RNF144B: variants seen among roughly 807,000 people sequenced by gnomAD.
The protein encoded by RNF144B is E3 ubiquitin-protein ligase RNF144B.
Under a neutral mutation model 40.2 loss-of-function variants are expected in RNF144B, and 25 were observed. That is an observed-to-expected ratio of 0.62 (90% CI 0.45 to 0.87). The LOEUF (loss-of-function observed/expected upper bound fraction) is 0.87. Ranked by LOEUF, RNF144B falls within the 40% of genes least tolerant of loss-of-function variation. RNF144B has a pLI of 0.00. For missense variants in RNF144B, 365 were observed against 373.7 expected, an observed-to-expected ratio of 0.98 and a Z score of 0.19; for synonymous variants, 145 against 136.3, an observed-to-expected ratio of 1.06 and a Z score of -0.44.
rs1758978571 is a variant in RNF144B, at chr6:18,442,105, A to G, written c.331+2361A>G. Among the ~76,000 whole-genome samples the G allele has an allele frequency of 6.6e-6, 1 of 151,976 alleles. No homozygotes were observed. Among genetic ancestry groups the G allele is most frequent in the Admixed American group, 6.5e-5 (1 of 15,268 alleles). ...TCCATCGTTATGTGGGGCAAGGTAG[A>G]TGTGGAAAATCATTGGCTAAGATTT... On this transcript the variant is annotated intron_variant, in intron 4 of 7. Coordinates refer to ENST00000259939, the MANE Select transcript of RNF144B (RefSeq NM_182757.4). This position sits in a 1 kb window ranked among gnomAD's most constrained non-coding sequence, Gnocchi z 4.3.
chr6:18,467,665 G>T lies in RNF144B; in HGVS notation c.*2598G>T, dbSNP rs569234686. Reference sequence around the variant, plus strand: ...TATTTTTATTTTTATTTTTTGGACAGAGTCTCCCTTTGTCACCCAGGCCGG... The same window carrying T: ...TATTTTTATTTTTATTTTTTGGACATAGTCTCCCTTTGTCACCCAGGCCGG... On this transcript the variant is annotated 3_prime_UTR_variant, in exon 8 of 8. Transcript: ENST00000259939. The T allele has an allele frequency of 2.0e-5, 3 of 149,440 alleles. No homozygotes were observed. Among genetic ancestry groups the T allele is most frequent in the Non-Finnish European group, 3.0e-5 (2 of 67,504 alleles). 9.3% of individuals were successfully genotyped at this position (149,440 alleles called of 1,614,324 possible).
intron 1 of RNF144B, among the ~76,000 whole-genome samples, chr6:18,394,696 A>G (rs1339751397): frequency 1.3e-5 from 2 of 152,188 alleles, no homozygotes; most frequent in Non-Finnish European, 2.9e-5. Context: ...CATCAGCAGA[A>G]TATGAAAATT....
Position 18,447,315 on chromosome 6 carries a change from G to C in RNF144B, c.331+7571G>C, listed in dbSNP as rs1406757141. Reference sequence around the variant, plus strand: ...AAGCCCCTGAGGCAAGAACAAGCCTGGTTTCTGTTTGAGAAACAGCAAGGA... The same window carrying C: ...AAGCCCCTGAGGCAAGAACAAGCCTCGTTTCTGTTTGAGAAACAGCAAGGA... On this transcript the variant is annotated intron_variant, in intron 4 of 7. Coordinates refer to ENST00000259939, the MANE Select transcript of RNF144B (RefSeq NM_182757.4). This position sits in a 1 kb window ranked among gnomAD's most constrained non-coding sequence, Gnocchi z 5.6. Among the ~76,000 whole-genome samples, 1 of 152,126 alleles carries C rather than the reference G, an allele frequency of 6.6e-6. No individual in the cohort carries two copies. Among genetic ancestry groups the C allele is most frequent in the African/African-American group, 2.4e-5 (1 of 41,430 alleles).
intron 3 of RNF144B, among the ~76,000 whole-genome samples, chr6:18,436,837 G>A (rs1192729821): frequency 6.6e-6 from 1 of 151,866 alleles, no homozygotes; most frequent in Non-Finnish European, 1.5e-5. Flanking sequence ...GAGGTCTTGA[G>A]CAATAGTGAC....
At chr6:18,445,216 TGGA>T (rs1759054211) in intron 4 of RNF144B, among the ~76,000 whole-genome samples, 1 of 152,170 alleles carries the variant, frequency 6.6e-6, no homozygotes, top group South Asian at 2.1e-4. Context: ...GGCACAATGG[TGGA>T]GAATGGCAGA....
At position 18,422,168 on chromosome 6, in the gene RNF144B, C is replaced by T. The variant is rs981834099; in HGVS notation, c.166-5413C>T. Among the ~76,000 whole-genome samples, 4 of 152,154 alleles carry T rather than the reference C, an allele frequency of 2.6e-5. No individual in the cohort carries two copies. The highest frequency in any genetic ancestry group is 6.6e-5 in the Admixed American group (1 of 15,262). On this transcript the variant is annotated intron_variant, in intron 2 of 7. Coordinates refer to ENST00000259939, the MANE Select transcript of RNF144B (RefSeq NM_182757.4). This position sits in a 1 kb window ranked among gnomAD's most constrained non-coding sequence, Gnocchi z 4.7. ...GTCTGAATATTTTCAAACCAGGATG[C>T]TTTTGGTGTGTTGGATAGGCTTTTG...
At position 18,387,580 on chromosome 6, in the gene RNF144B, A is replaced by G; in HGVS notation, c.-87A>G. ...GCAGCCCGGACTGGCGGTGAGCGCG[A>G]GGGAGGCTACTGAGAAGCCCGGCGA... On this transcript the variant is annotated 5_prime_UTR_variant, in exon 1 of 8. Coordinates refer to ENST00000259939, the MANE Select transcript of RNF144B (RefSeq NM_182757.4). 5.3e-6 allele frequency: 7 copies of G among 1,325,530 alleles called. No individual in the cohort carries two copies. The highest frequency in any genetic ancestry group is 5.9e-6 in the Non-Finnish European group (6 of 1,008,426). 82.1% of individuals were successfully genotyped at this position (1,325,530 alleles called of 1,614,324 possible).
intron 2 of RNF144B, among the ~76,000 whole-genome samples, chr6:18,409,431 A>G (rs1794987923): frequency 6.8e-6 from 1 of 147,232 alleles, no homozygotes. Flanking sequence ...TTTTCTGGGT[A>G]GATCTCTTTG....
chr6:18,403,496 C>T (rs16880648), intron 2 of RNF144B, among the ~76,000 whole-genome samples: 3,113 of 152,226 alleles, frequency 0.02, 52 homozygotes, highest in Middle Eastern at 0.034. Flanking sequence ...TTTTCCATTA[C>T]GTTCTATTGG....
rs958653840 is a variant in RNF144B, at chr6:18,468,712, G to A, written c.*3645G>A. 6.6e-6 allele frequency: 1 copy of A among 152,156 alleles called. No individual in the cohort carries two copies. The highest frequency in any genetic ancestry group is 6.5e-5 in the Admixed American group (1 of 15,274). The allele number at this position is 152,156 out of a possible 1,614,324, so 9.4% of individuals were successfully genotyped here. A position where few individuals can be genotyped will look rare whatever the true frequency, so the allele number is the denominator to read the frequency against. ...TTAGATGAATGACATTTTATAAAGC[G>A]ATCACAATTGATATCTACAGGCTAT... On this transcript the variant is annotated 3_prime_UTR_variant, in exon 8 of 8. Transcript: ENST00000259939.
chr6:18,415,011 G>A (rs936188021), intron 2 of RNF144B, among the ~76,000 whole-genome samples: 1 of 152,106 alleles, frequency 6.6e-6, no homozygotes, highest in Non-Finnish European at 1.5e-5. Flanking sequence ...GAATGGTGTA[G>A]TATTTGCATG....
intron 2 of RNF144B, among the ~76,000 whole-genome samples, chr6:18,407,581 A>G (rs1000803832): frequency 2.0e-5 from 3 of 152,204 alleles, no homozygotes; most frequent in African/African-American, 7.2e-5. Context: ...ATTATTGGAA[A>G]TTTCTAAATT....
chr6:18,462,665 T>TG (rs1380153342), intron 6 of RNF144B, among the ~76,000 whole-genome samples: 1 of 151,736 alleles, frequency 6.6e-6, no homozygotes, highest in East Asian at 1.9e-4. Flanking sequence ...GGTCCAAGTT[T>TG]TTTTTTTTTT....
chr6:18,421,315 C>CTT (rs1758421891), intron 2 of RNF144B, among the ~76,000 whole-genome samples: 1 of 142,508 alleles, frequency 7.0e-6, no homozygotes, highest in Non-Finnish European at 1.5e-5. Flanking sequence ...CACACACACA[C>CTT]ATATATATAA....
At chr6:18,445,744 A>G (rs981470460) in intron 4 of RNF144B, among the ~76,000 whole-genome samples, 1 of 152,146 alleles carries the variant, frequency 6.6e-6, no homozygotes, top group African/African-American at 2.4e-5. Context: ...AAGCTACATA[A>G]TGTTTTCATC....
intron 3 of RNF144B, among the ~76,000 whole-genome samples, chr6:18,428,772 CT>C (rs1171488403): frequency 6.6e-6 from 1 of 152,164 alleles, no homozygotes; most frequent in Non-Finnish European, 1.5e-5. Context: ...TTGGGTGTTG[CT>C]TTCAGATAGG....
In RNF144B at chr6:18,467,502, G is replaced by C. The variant is rs1258118126; in HGVS notation, c.*2435G>C. 1 of 147,466 alleles carries C rather than the reference G, an allele frequency of 6.8e-6. No homozygotes were observed. The highest frequency in any genetic ancestry group is 1.5e-5 in the Non-Finnish European group (1 of 67,440). The allele number at this position is 147,466 out of a possible 1,614,324, so 9.1% of individuals were successfully genotyped here. A position where few individuals can be genotyped will look rare whatever the true frequency, so the allele number is the denominator to read the frequency against. On this transcript the variant is annotated 3_prime_UTR_variant, in exon 8 of 8. Transcript: ENST00000259939. ...TTTTTTTTAACATTGAAAAGTGCCT[G>C]AAAAATGGTAAATTCTTAAATGTGT...
intron 6 of RNF144B, among the ~76,000 whole-genome samples, chr6:18,462,361 G>C (rs1244363839): frequency 6.6e-6 from 1 of 152,040 alleles, no homozygotes; most frequent in African/African-American, 2.4e-5. Context: ...TTAACATCTT[G>C]ACCACTTCCA....
chr6:18,415,347 C>T (rs923370744), intron 2 of RNF144B, among the ~76,000 whole-genome samples: 3 of 152,244 alleles, frequency 2.0e-5, no homozygotes, highest in South Asian at 2.1e-4. Flanking sequence ...CCAATATCAA[C>T]GTGCTGGCAG....
Sources: allele counts gnomAD v4.1 joint callset (sites outside exome capture counted in the v4.1 genomes callset), GRCh38; gene constraint gnomAD v4.1.1; non-coding constraint Gnocchi (gnomAD v3.1); transcripts MANE v1.5; gene names NCBI Gene and HGNC (gene_info 2026-07-23, HGNC 2026-07-21).